The following CADM2 variants were observed in gnomAD, a reference collection of about 807,000 sequenced individuals.
The protein encoded by CADM2 is cell adhesion molecule 2.
CADM2 carries 12 observed loss-of-function variants against 49.8 expected under a neutral mutation model. That is an observed-to-expected ratio of 0.24 (90% CI 0.15 to 0.39). CADM2 has a LOEUF of 0.39. CADM2 is among the 10% of genes least tolerant of loss of function. The pLI, the probability that CADM2 is intolerant of heterozygous loss-of-function variation, is 1.00. For synonymous variants in CADM2, 214 were observed against 175.4 expected, an observed-to-expected ratio of 1.22 and a Z score of -1.74; for missense variants, 378 against 492.3, an observed-to-expected ratio of 0.77 and a Z score of 2.20.
chr3:85,159,436 G>A (rs1234443471), intron 1 of CADM2, among the ~76,000 whole-genome samples: 1 of 151,924 alleles, frequency 6.6e-6, no homozygotes, highest in Non-Finnish European at 1.5e-5. Context: ...CATGTACTGG[G>A]AGTAAAATCA....
chr3:85,825,169 A>T (rs1453624853), intron 3 of CADM2, among the ~76,000 whole-genome samples: 1 of 152,136 alleles, frequency 6.6e-6, no homozygotes, highest in East Asian at 1.9e-4. Context: ...AAAACTGATA[A>T]GCATTTAAAG....
At chr3:85,605,052 C>T (rs2063508916) in intron 1 of CADM2, among the ~76,000 whole-genome samples, 1 of 151,972 alleles carries the variant, frequency 6.6e-6, no homozygotes, top group Non-Finnish European at 1.5e-5. Context: ...AGAACATTGG[C>T]ACTAATCCTT....
intron 1 of CADM2, among the ~76,000 whole-genome samples, chr3:85,645,620 A>G (rs560569349): frequency 6.6e-6 from 1 of 152,142 alleles, no homozygotes; most frequent in South Asian, 2.1e-4. Context: ...AAATTTTTAT[A>G]CCACAATTAT....
At chr3:85,370,350 A>T (rs905610779) in intron 1 of CADM2, among the ~76,000 whole-genome samples, 1 of 151,438 alleles carries the variant, frequency 6.6e-6, no homozygotes, top group Non-Finnish European at 1.5e-5. Context: ...TGACCGCGGG[A>T]GGGGGAGGTG....
chr3:85,897,617 A>C (rs1442433022), intron 5 of CADM2, among the ~76,000 whole-genome samples: 1 of 151,518 alleles, frequency 6.6e-6, no homozygotes, highest in Admixed American at 6.6e-5. Context: ...CGATTTTTTT[A>C]TTTCTTTATT....
chr3:86,040,341 A>G (rs1028601312), intron 8 of CADM2, among the ~76,000 whole-genome samples: 1 of 152,270 alleles, frequency 6.6e-6, no homozygotes, highest in African/African-American at 2.4e-5. Flanking sequence ...TTGAAAAAAA[A>G]TTAGATGAAT....
intron 1 of CADM2, among the ~76,000 whole-genome samples, chr3:85,138,437 A>G (rs2039482834): frequency 6.6e-6 from 1 of 152,146 alleles, no homozygotes; most frequent in Non-Finnish European, 1.5e-5. Flanking sequence ...TTTCAAAACC[A>G]GTTGGGCATT....
chr3:85,065,847 T>C (rs2036509767), intron 1 of CADM2, among the ~76,000 whole-genome samples: 1 of 152,150 alleles, frequency 6.6e-6, no homozygotes, highest in African/African-American at 2.4e-5. Flanking sequence ...TTGGAGTATA[T>C]ATGAAAAAAA....
chr3:85,544,396 G>T (rs2061615354), intron 1 of CADM2, among the ~76,000 whole-genome samples: 1 of 152,020 alleles, frequency 6.6e-6, no homozygotes, highest in Non-Finnish European at 1.5e-5. Flanking sequence ...GGCTAACACG[G>T]TGAAACCCCA....
In CADM2 at chr3:85,825,250, T is replaced by G. The variant is rs2108204945; in HGVS notation, c.238+23054T>G. Among the ~76,000 whole-genome samples the G allele has an allele frequency of 1.3e-5, 2 of 152,078 alleles. 1 individual carries two copies. The highest frequency in any genetic ancestry group is 3.9e-4 in the East Asian group (2 of 5,152). On this transcript the variant is annotated intron_variant, in intron 3 of 9. Coordinates refer to ENST00000383699, the MANE Select transcript of CADM2 (RefSeq NM_001167675.2). ...ATGGCACCATCAAAAGGTTCAAGTT[T>G]AGAGGGCTTAATGAAGATACTATAT...
At chr3:85,244,536 T>A (rs2042606114) in intron 1 of CADM2, among the ~76,000 whole-genome samples, 1 of 152,190 alleles carries the variant, frequency 6.6e-6, no homozygotes, top group Non-Finnish European at 1.5e-5. Context: ...TCTGCAGAAA[T>A]ACCTTTAGTT....
intron 3 of CADM2, among the ~76,000 whole-genome samples, chr3:85,858,431 G>A (rs4856605): frequency 0.27 from 40,462 of 152,058 alleles, 6,311 homozygotes; most frequent in East Asian, 0.46. Context: ...AAAGTTGATG[G>A]CTTTCTAAAG....
intron 1 of CADM2, among the ~76,000 whole-genome samples, chr3:85,679,297 G>T (rs1402352016): frequency 6.6e-6 from 1 of 152,040 alleles, no homozygotes; most frequent in Admixed American, 6.6e-5. Flanking sequence ...TATGCGCAGA[G>T]GATCTAGAGG....
chr3:85,792,324 T>A (rs1335699699), intron 2 of CADM2, among the ~76,000 whole-genome samples: 1 of 152,242 alleles, frequency 6.6e-6, no homozygotes, highest in Non-Finnish European at 1.5e-5. Context: ...GTTTATCTTA[T>A]GAGACTTTTA....
At chr3:85,212,643 C>G (rs2041805807) in intron 1 of CADM2, among the ~76,000 whole-genome samples, 1 of 151,738 alleles carries the variant, frequency 6.6e-6, no homozygotes, top group Non-Finnish European at 1.5e-5. Context: ...TGTTATTTTA[C>G]TATGTCTTGA....
intron 8 of CADM2, among the ~76,000 whole-genome samples, chr3:86,050,177 G>A (rs1737175802): frequency 6.6e-6 from 1 of 152,172 alleles, no homozygotes; most frequent in Admixed American, 6.5e-5. Context: ...TCAGCCAAAA[G>A]AAAGGGGCTA....
At chr3:85,884,554 GA>G (rs1044577814) in intron 4 of CADM2, among the ~76,000 whole-genome samples, 3 of 152,006 alleles carry the variant, frequency 2.0e-5, no homozygotes, top group Non-Finnish European at 4.4e-5. Flanking sequence ...GATGACTGAT[GA>G]ATTCACTTTA....
chr3:86,026,703 T>C (rs1035269749), intron 8 of CADM2, among the ~76,000 whole-genome samples: 14 of 152,200 alleles, frequency 9.2e-5, no homozygotes, highest in African/African-American at 3.4e-4. Context: ...GTGCTCATTG[T>C]ACTTGATACA....
chr3:85,420,677 G>C (rs1377219191), intron 1 of CADM2, among the ~76,000 whole-genome samples: 2 of 152,076 alleles, frequency 1.3e-5, no homozygotes, highest in Non-Finnish European at 2.9e-5. Flanking sequence ...CCTTGATAAA[G>C]ACAGCCATAA....
Sources: allele counts gnomAD v4.1 joint callset (sites outside exome capture counted in the v4.1 genomes callset), GRCh38; gene constraint gnomAD v4.1.1; transcripts MANE v1.5; gene names NCBI Gene and HGNC (gene_info 2026-07-23, HGNC 2026-07-21).